Variants in STAB2 observed in about 807,000 individuals in gnomAD.
STAB2 encodes stabilin-2.
In STAB2, 288 loss-of-function variants were observed where a neutral mutation model predicts 338.1. The observed-to-expected ratio is 0.85, with a 90% CI of 0.77 to 0.94. STAB2 has a LOEUF of 0.94. Among genes scored for constraint, STAB2 ranks in the 40% least tolerant of loss-of-function variants. STAB2 has a pLI of 0.00. For synonymous variants in STAB2, 1,202 were observed against 1,193.3 expected (o/e 1.01, Z -0.15); for missense variants, 3,141 against 3,210.1 (o/e 0.98, Z 0.52).
intron 46 of STAB2, 108 bp downstream of exon 46, chr12:103,726,271 CT>C: frequency 8.6e-7 from 1 of 1,162,140 alleles, no homozygotes; most frequent in Non-Finnish European, 1.3e-6. Context: ...GGCAGATTGC[CT>C]GAGCTCAGGA....
chr12:103,766,309 G>T lies in STAB2; in HGVS notation c.7629G>T (p.Glu2543Asp), dbSNP rs1343021402. 1 of 1,613,920 alleles carries T rather than the reference G, an allele frequency of 6.2e-7. No homozygotes were observed. The highest frequency in any genetic ancestry group is 8.5e-7 in the Non-Finnish European group (1 of 1,179,948). ...PFTDSEERQL[E>D]GNDPLRTL The stretch of plus-strand genomic sequence containing the variant: ...AGGACTCTGAAGAACGGCAGCTTGA[G>T]GGCAATGACCCCTTGAGGACACTGT... The change falls in exon 69 of 69, where the codon GAG becomes GAT. Residue 2543 changes from glutamate (E) to aspartate (D), a missense_variant. By Grantham distance (45) the Glu-to-Asp change is conservative. Transcript: ENST00000388887.
chr12:103,766,356 C>A lies in STAB2; in HGVS notation c.*20C>A. The A allele has an allele frequency of 1.3e-6, 2 of 1,596,720 alleles. No individual in the cohort carries two copies. On this transcript the variant is annotated 3_prime_UTR_variant, in exon 69 of 69. Coordinates refer to ENST00000388887, the MANE Select transcript of STAB2 (RefSeq NM_017564.10). ...CTGTGAGGGCCTGGACGGGAGATGC[C>A]AGCCATCACTCACTGCCACCTGGGC...
intron 3 of STAB2, among the ~76,000 whole-genome samples, chr12:103,598,318 C>G (rs1301523798): frequency 6.6e-6 from 1 of 152,156 alleles, no homozygotes; most frequent in Non-Finnish European, 1.5e-5. Flanking sequence ...TCTTGTGGGG[C>G]AGGAAGTGTA....
intron 6 of STAB2, among the ~76,000 whole-genome samples, chr12:103,636,143 C>A (rs568360653): frequency 1.3e-5 from 2 of 151,530 alleles, no homozygotes; most frequent in African/African-American, 4.9e-5. Context: ...GTGTGCTGCA[C>A]CCATTAACTC....
intron 5 of STAB2, among the ~76,000 whole-genome samples, chr12:103,625,402 C>A (rs983408127): frequency 6.6e-6 from 1 of 152,194 alleles, no homozygotes; most frequent in Non-Finnish European, 1.5e-5. Context: ...GGTACACGTG[C>A]ACAACGTGCA....
chr12:103,712,728 T>C (rs1186230019), intron 41 of STAB2, among the ~76,000 whole-genome samples: 2 of 152,224 alleles, frequency 1.3e-5, no homozygotes, highest in African/African-American at 4.8e-5. Context: ...TACCCTCATC[T>C]ATACATTATG....
chr12:103,631,486 G>T, intron 5 of STAB2, 112 bp from the exon 6 acceptor site: 2 of 994,938 alleles, frequency 2.0e-6, no homozygotes, highest in Non-Finnish European at 1.5e-6. Context: ...AGGAGCCAAA[G>T]TTCAAACAAC....
At chr12:103,745,377 A>G (rs1882947595) in intron 57 of STAB2, 100 bp downstream of exon 57, 1 of 1,100,436 alleles carries the variant, frequency 9.1e-7, no homozygotes, top group South Asian at 1.6e-5. Context: ...CATCTGAAAA[A>G]AGTGACAAAG....
chr12:103,661,227 A>T (rs1874584840), intron 17 of STAB2, among the ~76,000 whole-genome samples: 2 of 151,986 alleles, frequency 1.3e-5, no homozygotes, highest in South Asian at 4.2e-4. Context: ...CAAAAAAAAA[A>T]AAAAAAAAAA....
At chr12:103,683,671 T>A (rs913100191) in intron 26 of STAB2, among the ~76,000 whole-genome samples, 1 of 152,222 alleles carries the variant, frequency 6.6e-6, no homozygotes, top group Non-Finnish European at 1.5e-5. Flanking sequence ...CTGGCACCTC[T>A]AAACCAACAG....
At chr12:103,591,176 T>C (rs1055752141) in intron 2 of STAB2, 146 bp downstream of exon 2, 15 of 1,092,832 alleles carry the variant, frequency 1.4e-5, no homozygotes, top group Non-Finnish European at 2.0e-5. Flanking sequence ...TGAACTTAAG[T>C]CTAAAATATA....
At chr12:103,605,743 T>A (rs1957018505) in intron 3 of STAB2, among the ~76,000 whole-genome samples, 1 of 152,064 alleles carries the variant, frequency 6.6e-6, no homozygotes, top group Admixed American at 6.6e-5. Context: ...TAAAAATATG[T>A]TAATTTGAAA....
At chr12:103,636,093 A>G (rs1242282520) in intron 6 of STAB2, among the ~76,000 whole-genome samples, 1 of 152,020 alleles carries the variant, frequency 6.6e-6, no homozygotes, top group Non-Finnish European at 1.5e-5. Flanking sequence ...CATGTGCACA[A>G]CGTGCAGGTT....
At chr12:103,591,790 A>G (rs1956801989) in intron 2 of STAB2, among the ~76,000 whole-genome samples, 1 of 152,222 alleles carries the variant, frequency 6.6e-6, no homozygotes, top group African/African-American at 2.4e-5. Flanking sequence ...TGATAACTCA[A>G]GGCTAATTCT....
In STAB2 at chr12:103,666,288, C is replaced by T; in HGVS notation, c.2023-3C>T. On this transcript the variant is annotated splice_region_variant and splice_polypyrimidine_tract_variant and intron_variant, in intron 18 of 68. Coordinates refer to ENST00000388887, the MANE Select transcript of STAB2 (RefSeq NM_017564.10). ...TGCACTGACCTCCTGTCTCTCCCTCCAGGGCACTTGTGTGAGCTGTTCTCT... is the reference window on the plus strand; with the variant it reads ...TGCACTGACCTCCTGTCTCTCCCTCTAGGGCACTTGTGTGAGCTGTTCTCT... 1 of 1,613,986 alleles carries T rather than the reference C, an allele frequency of 6.2e-7. No homozygotes were observed. Among genetic ancestry groups the T allele is most frequent in the Non-Finnish European group, 8.5e-7 (1 of 1,180,012 alleles).
In STAB2 at chr12:103,725,024, T is replaced by C. The variant is rs1299067956; in HGVS notation, c.4733T>C (p.Val1578Ala). Residue 1578 changes from valine (V) to alanine (A), a missense_variant, in exon 45 of 69, where the codon GTA (valine) becomes GCA (alanine). Coordinates refer to ENST00000388887, the MANE Select transcript of STAB2 (RefSeq NM_017564.10). ...EFAICNHTGQVERTCTCKPNY... is the reference protein window; with the variant it reads ...EFAICNHTGQAERTCTCKPNY... ...GCCATCTGCAACCACACTGGGCAAG[T>C]AGAAAGGACTTGTACTTGCAAGCCA... The C allele has an allele frequency of 2.0e-5, 32 of 1,613,952 alleles. No individual in the cohort carries two copies. Among genetic ancestry groups the C allele is most frequent in the Non-Finnish European group, 2.5e-5 (29 of 1,179,986 alleles).
intron 42 of STAB2, among the ~76,000 whole-genome samples, chr12:103,714,114 C>T (rs17034403): frequency 1.3e-5 from 2 of 152,130 alleles, no homozygotes; most frequent in African/African-American, 4.8e-5. Context: ...AGATAGTGCT[C>T]TTATTATTGT....
intron 4 of STAB2, 32 bp from the exon 5 acceptor site, chr12:103,622,010 G>T (rs762701986): frequency 1.9e-6 from 3 of 1,612,944 alleles, no homozygotes; most frequent in Admixed American, 3.3e-5. Flanking sequence ...GTCACCTTGG[G>T]TCTAATGTCA....
At chr12:103,615,809 A>G (rs911909363) in intron 3 of STAB2, among the ~76,000 whole-genome samples, 5 of 152,182 alleles carry the variant, frequency 3.3e-5, no homozygotes, top group African/African-American at 9.7e-5. Flanking sequence ...AGCAGGGGAA[A>G]TGCCAGACAC....
Sources: allele counts gnomAD v4.1 joint callset (sites outside exome capture counted in the v4.1 genomes callset), GRCh38; gene constraint gnomAD v4.1.1; transcripts MANE v1.5; gene names NCBI Gene and HGNC (gene_info 2026-07-23, HGNC 2026-07-21).